LATS2: variants seen among roughly 807,000 people sequenced by gnomAD.
The protein encoded by LATS2 is large tumor suppressor kinase 2.
In LATS2, 24 loss-of-function variants were observed where a neutral mutation model predicts 76.0. That is an observed-to-expected ratio of 0.32 (90% CI 0.23 to 0.44). The LOEUF (loss-of-function observed/expected upper bound fraction) is 0.44. Among genes scored for constraint, LATS2 ranks in the 20% least tolerant of loss-of-function variants. The pLI, the probability that LATS2 is intolerant of heterozygous loss-of-function variation, is 1.00. For synonymous variants in LATS2, 692 were observed against 635.4 expected (o/e 1.09, Z -1.34); for missense variants, 1,286 against 1,481.2 (o/e 0.87, Z 2.16).
At position 21,051,637 on chromosome 13, in the gene LATS2, A is replaced by C. The variant is rs775426416; in HGVS notation, c.-204-5407T>G. Among the ~76,000 whole-genome samples the C allele has an allele frequency of 8.9e-4, 136 of 152,110 alleles. 4 individuals are homozygous for C. Among genetic ancestry groups the C allele is most frequent in the Non-Finnish European group, 2.2e-4 (15 of 68,010 alleles). ...ACCAGGAGAGCAGTGTCAGTGGTGG[A>C]GGAGGAAGGCAGTGACCAAAGGTGA... On this transcript the variant is annotated intron_variant, in intron 1 of 7. Coordinates refer to ENST00000382592, the MANE Select transcript of LATS2 (RefSeq NM_014572.3).
At chr13:20,981,415 G>A (rs870848) in intron 6 of LATS2, 51 bp downstream of exon 6, 725,531 of 1,540,042 alleles carry the variant, frequency 0.47, 175,494 homozygotes, top group Non-Finnish European at 0.5. Flanking sequence ...CTCAGCTCAC[G>A]TCTGAAGGGA....
At chr13:21,015,007 G>A (rs552571264) in intron 2 of LATS2, among the ~76,000 whole-genome samples, 3 of 152,336 alleles carry the variant, frequency 2.0e-5, no homozygotes, top group African/African-American at 2.4e-5. Flanking sequence ...TGCGCTCACC[G>A]CCGTATCCCT....
intron 2 of LATS2, among the ~76,000 whole-genome samples, chr13:21,025,151 C>T (rs1018354367): frequency 2.0e-5 from 3 of 150,746 alleles, no homozygotes; most frequent in Non-Finnish European, 3.0e-5. Flanking sequence ...GGGCCAGGTG[C>T]GGTGGCTCAC....
At chr13:20,978,959 G>A (rs9506591) in intron 7 of LATS2, among the ~76,000 whole-genome samples, 58,878 of 151,774 alleles carry the variant, frequency 0.39, 12,720 homozygotes, top group Non-Finnish European at 0.48. Flanking sequence ...GACGGGTTTC[G>A]CCATGTTGCC....
chr13:20,979,566 C>A, intron 7 of LATS2, 125 bp downstream of exon 7: 1 of 425,130 alleles, frequency 2.4e-6, no homozygotes, highest in Non-Finnish European at 4.3e-6. Flanking sequence ...TTAAAAATCC[C>A]ATCCTATACA....
chr13:20,976,831 C>T (rs548202983), intron 7 of LATS2, among the ~76,000 whole-genome samples: 2 of 152,192 alleles, frequency 1.3e-5, no homozygotes, highest in Non-Finnish European at 2.9e-5. Flanking sequence ...AACACTCAGT[C>T]ACTGTTGGTG....
Position 21,044,689 on chromosome 13 carries a change from G to GGTGTGTGTGT in LATS2, c.342+986_342+995dup, listed in dbSNP as rs71090554. On this transcript the variant is annotated intron_variant, in intron 2 of 7. Coordinates refer to ENST00000382592, the MANE Select transcript of LATS2 (RefSeq NM_014572.3). ...TAAATGTATGGCTATGAGGTGTAGG[G>GGTGTGTGTGT]GTGTGTGTGTGTGTGTGTGTGTGTG... Among the ~76,000 whole-genome samples the GGTGTGTGTGT allele has an allele frequency of 9.7e-4, 133 of 137,780 alleles. 1 individual carries two copies. Among genetic ancestry groups the GGTGTGTGTGT allele is most frequent in the African/African-American group, 3.2e-3 (115 of 36,114 alleles). The allele number at this position is 137,780 out of a possible 152,430, so 90.4% of individuals were successfully genotyped here. A position where few individuals can be genotyped will look rare whatever the true frequency, so the allele number is the denominator to read the frequency against.
intron 1 of LATS2, among the ~76,000 whole-genome samples, chr13:21,048,869 T>TA (rs941544637): frequency 6.6e-6 from 1 of 150,592 alleles, no homozygotes; most frequent in Admixed American, 6.6e-5. Context: ...AAAATAAAAA[T>TA]AAAAAAAACC....
chr13:20,975,664 T>G (rs1034630245), intron 7 of LATS2, among the ~76,000 whole-genome samples: 3 of 152,168 alleles, frequency 2.0e-5, no homozygotes, highest in African/African-American at 4.8e-5. Context: ...ATGAAGAGAA[T>G]GATGGTCTAC....
rs768866769 is a variant in LATS2 at position 20,988,284 on chromosome 13, G to T, written c.1496C>A (p.Ala499Asp). Reference sequence around the variant, plus strand: ...TCCGTACTCCACGTCCAGCGGGAAGGCGCCTGCGCCGCCCAGCGCCAGGGC... The same window carrying T: ...TCCGTACTCCACGTCCAGCGGGAAGTCGCCTGCGCCGCCCAGCGCCAGGGC... ...EHALALGGAGAFPLDVEYGGP... is the reference protein window; with the variant it reads ...EHALALGGAGDFPLDVEYGGP... The change falls in exon 4 of 8, where the codon GCC becomes GAC. Residue 499 changes from alanine (A) to aspartate (D), a missense_variant. Around this residue, in one of 5 missense-constraint regions of LATS2, gnomAD observed 710 missense variants for 660.9 expected, o/e 1.07. Coordinates refer to ENST00000382592, the MANE Select transcript of LATS2 (RefSeq NM_014572.3). The T allele has an allele frequency of 6.3e-7, 1 of 1,587,952 alleles. No homozygotes were observed. Among genetic ancestry groups the T allele is most frequent in the South Asian group, 1.1e-5 (1 of 89,842 alleles).
At position 20,989,269 on chromosome 13, in the gene LATS2, G is replaced by A; in HGVS notation, c.511C>T (p.Pro171Ser). 2 of 1,613,968 alleles carry A rather than the reference G, an allele frequency of 1.2e-6. No individual in the cohort carries two copies. The highest frequency in any genetic ancestry group is 1.1e-5 in the South Asian group (1 of 91,086). Residue 171 changes from proline to serine, a missense_variant, in exon 4 of 8, where the codon CCC becomes TCC. By Grantham distance (74) the Pro-to-Ser change is moderately conservative. This residue lies in a region of LATS2 where 710 missense variants were observed against 660.9 expected (regional missense o/e 1.07). Coordinates refer to ENST00000382592, the MANE Select transcript of LATS2 (RefSeq NM_014572.3). ...GAATCGCCGGTTCCTTCGAAGCTGG[G>A]CCTCCGCGTCACTGGGGTTGGCATG... ...GLMPTPVTRR[P>S]SFEGTGDSFA... is the part of the protein sequence containing the mutation.
chr13:20,991,353 C>T lies in LATS2; in HGVS notation c.394G>A (p.Ala132Thr), dbSNP rs753428765. The T allele has an allele frequency of 1.2e-6, 2 of 1,614,158 alleles. No homozygotes were observed. Among genetic ancestry groups the T allele is most frequent in the Non-Finnish European group, 1.7e-6 (2 of 1,180,050 alleles). The change falls in exon 3 of 8, where the codon GCC becomes ACC. Residue 132 changes from alanine to threonine, a missense_variant. By Grantham distance (58) the Ala-to-Thr change is moderately conservative (BLOSUM62 0). Coordinates refer to ENST00000382592, the MANE Select transcript of LATS2 (RefSeq NM_014572.3). The surrounding 1 kb of genome is among the most constrained non-coding windows in gnomAD (Gnocchi z 4.9). ...KQTGSRSIEA[A>T]LEYISKMGYL... ...CCCATCTTGCTGATGTACTCCAGGG[C>T]GGCCTCGATGCTCCTGCTGCCAGTC...
intron 2 of LATS2, among the ~76,000 whole-genome samples, chr13:20,993,933 A>G (rs1870626360): frequency 6.6e-6 from 1 of 152,210 alleles, no homozygotes; most frequent in Admixed American, 6.5e-5. Context: ...ATCAGCACTA[A>G]CCGTTCAATT....
chr13:21,014,771 ATGTT>A (rs1321863213), intron 2 of LATS2, among the ~76,000 whole-genome samples: 3 of 152,372 alleles, frequency 2.0e-5, no homozygotes, highest in Non-Finnish European at 4.4e-5. Flanking sequence ...TTAAAAAAGA[ATGTT>A]TGTTGAGTGG....
Position 20,973,971 on chromosome 13 carries a change from TCCC to T in LATS2, c.*896_*898del. The T allele has an allele frequency of 5.4e-6, 1 of 186,230 alleles. No homozygotes were observed. Among genetic ancestry groups the T allele is most frequent in the Non-Finnish European group, 1.0e-5 (1 of 95,900 alleles). The allele number at this position is 186,230 out of a possible 1,614,324, so 11.5% of individuals were successfully genotyped here. On this transcript the variant is annotated 3_prime_UTR_variant, in exon 8 of 8. Transcript: ENST00000382592. ...TTCAGTATATGACAAATGTTTCAGT[TCCC>T]CCCCCCCAAAGAATCCAATCACAAC...
At chr13:21,024,541 G>A (rs1368270884) in intron 2 of LATS2, among the ~76,000 whole-genome samples, 1 of 152,034 alleles carries the variant, frequency 6.6e-6, no homozygotes, top group Non-Finnish European at 1.5e-5. Flanking sequence ...ATATCTAAAA[G>A]TTGAGTATGG....
intron 2 of LATS2, among the ~76,000 whole-genome samples, chr13:21,029,268 G>A (rs1487102774): frequency 6.6e-6 from 1 of 152,156 alleles, no homozygotes; most frequent in African/African-American, 2.4e-5. Context: ...TTTGGTGATA[G>A]CTTTTGGTAC....
chr13:21,007,678 A>ATAGTGTG (rs1565952193), intron 2 of LATS2, among the ~76,000 whole-genome samples: 46 of 3,506 alleles, frequency 0.013, 7 homozygotes, highest in South Asian at 0.045. Context: ...GTATATATAT[A>ATAGTGTG]TATAGTATAT....
intron 2 of LATS2, among the ~76,000 whole-genome samples, chr13:21,033,227 C>G (rs1354818225): frequency 6.6e-6 from 1 of 151,704 alleles, no homozygotes; most frequent in Non-Finnish European, 1.5e-5. Flanking sequence ...TTTGTTAGAC[C>G]AGACCTGGTT....
Sources: allele counts gnomAD v4.1 joint callset (sites outside exome capture counted in the v4.1 genomes callset), GRCh38; gene constraint gnomAD v4.1.1; regional missense constraint gnomAD v4.1.1; non-coding constraint Gnocchi (gnomAD v3.1); transcripts MANE v1.5; gene names NCBI Gene and HGNC (gene_info 2026-07-23, HGNC 2026-07-21).